Variants in CDH13 observed in about 807,000 individuals in gnomAD.
CDH13 encodes cadherin-13.
In CDH13, 24 loss-of-function variants were observed where a neutral mutation model predicts 63.8. The ratio of observed to expected loss-of-function variants is 0.38; its 90% CI spans 0.27 to 0.53. The LOEUF is 0.53. Among genes scored for constraint, CDH13 ranks in the 20% least tolerant of loss-of-function variants. The probability of loss-of-function intolerance (pLI) is 0.85; values close to 1 mark genes in which losing one functional copy is unlikely to be tolerated. For synonymous variants in CDH13, 503 were observed against 355.3 expected (o/e 1.42, Z -4.67); for missense variants, 1,049 against 903.1 (o/e 1.16, Z -2.07).
At chr16:83,620,407 A>AT (rs1301288118) in intron 8 of CDH13, among the ~76,000 whole-genome samples, 1 of 151,796 alleles carries the variant, frequency 6.6e-6, no homozygotes, top group Non-Finnish European at 1.5e-5. Flanking sequence ...AAAAAAAAAA[A>AT]AAAGATATAG....
chr16:83,653,022 C>T (rs1359021845), intron 8 of CDH13, among the ~76,000 whole-genome samples: 4 of 152,110 alleles, frequency 2.6e-5, no homozygotes, highest in African/African-American at 2.4e-5. Flanking sequence ...CGTGAAAACA[C>T]GATGTTCAGT....
chr16:83,033,598 C>T (rs373821131), intron 3 of CDH13, among the ~76,000 whole-genome samples: 130 of 152,278 alleles, frequency 8.5e-4, no homozygotes, highest in African/African-American at 3.0e-3. Flanking sequence ...TTCTCGTTTG[C>T]CAGGCAGCAG....
At chr16:83,069,425 G>C (rs1366311295) in intron 3 of CDH13, among the ~76,000 whole-genome samples, 4 of 152,110 alleles carry the variant, frequency 2.6e-5, no homozygotes, top group African/African-American at 7.2e-5. Context: ...CCTACTACGT[G>C]CCAGGCATTG....
At chr16:82,680,263 A>G (rs981630558) in intron 1 of CDH13, among the ~76,000 whole-genome samples, 1 of 152,226 alleles carries the variant, frequency 6.6e-6, no homozygotes, top group African/African-American at 2.4e-5. Flanking sequence ...TACTGAGCAC[A>G]TCCTACATGT....
chr16:83,429,971 C>A (rs1215591592), intron 6 of CDH13, among the ~76,000 whole-genome samples: 1 of 152,152 alleles, frequency 6.6e-6, no homozygotes, highest in Non-Finnish European at 1.5e-5. Flanking sequence ...CAGCCCCTGG[C>A]AACCACCATT....
At chr16:82,822,419 A>G (rs2038044930) in intron 1 of CDH13, among the ~76,000 whole-genome samples, 1 of 152,256 alleles carries the variant, frequency 6.6e-6, no homozygotes, top group African/African-American at 2.4e-5. Context: ...GGGGATGCAC[A>G]TTCACATACA....
intron 2 of CDH13, among the ~76,000 whole-genome samples, chr16:82,916,430 C>T (rs1444178443): frequency 4.6e-5 from 7 of 151,982 alleles, no homozygotes; most frequent in African/African-American, 7.2e-5. Context: ...AAAAATTAGC[C>T]GGGCATGGTG....
At position 82,713,814 on chromosome 16, in the gene CDH13, AAACAAAC is replaced by A. The variant is rs869060640; in HGVS notation, c.45+86680_45+86686del. Reference sequence around the variant, plus strand: ...AGGGCTTCTGTATTTGTGAAAAAAAAAACAAACAAAAAAAAAGGAAAACAATAGTTTC... The same window carrying A: ...AGGGCTTCTGTATTTGTGAAAAAAAAAAAAAAAAAGGAAAACAATAGTTTC... On this transcript the variant is annotated intron_variant, in intron 1 of 13. Coordinates refer to ENST00000567109, the MANE Select transcript of CDH13 (RefSeq NM_001257.5). Among the ~76,000 whole-genome samples the A allele has an allele frequency of 2.2e-4, 33 of 148,300 alleles. 1 individual carries two copies. In the East Asian group the frequency reaches 3.7e-3, roughly 17 times the overall value.
chr16:83,290,095 C>A (rs8054725), intron 5 of CDH13, among the ~76,000 whole-genome samples: 8,862 of 152,254 alleles, frequency 0.058, 280 homozygotes, highest in Non-Finnish European at 0.068. Context: ...TTTTCTGTCA[C>A]CTTCTTTCAG....
At chr16:83,098,337 G>C (rs2034305316) in intron 3 of CDH13, among the ~76,000 whole-genome samples, 1 of 152,104 alleles carries the variant, frequency 6.6e-6, no homozygotes, top group South Asian at 2.1e-4. Context: ...GTTGCTCATA[G>C]GTTGTAAACT....
intron 1 of CDH13, among the ~76,000 whole-genome samples, chr16:82,822,712 C>T (rs1381825421): frequency 2.0e-5 from 3 of 152,200 alleles, no homozygotes; most frequent in Admixed American, 2.0e-4. Context: ...CCAGGTTAGT[C>T]TTGAACTTCT....
At chr16:83,191,414 G>A (rs1241036036) in intron 4 of CDH13, among the ~76,000 whole-genome samples, 1 of 142,002 alleles carries the variant, frequency 7.0e-6, no homozygotes. Flanking sequence ...TTTATTTGAT[G>A]ATTGTATTAG....
chr16:83,465,217 C>G (rs983593662), intron 6 of CDH13, among the ~76,000 whole-genome samples: 1 of 152,190 alleles, frequency 6.6e-6, no homozygotes, highest in Non-Finnish European at 1.5e-5. Context: ...ATAACAGGAG[C>G]TGACAGCCTG....
chr16:83,017,234 A>C (rs187342738), intron 2 of CDH13, among the ~76,000 whole-genome samples: 2 of 152,248 alleles, frequency 1.3e-5, no homozygotes, highest in East Asian at 3.9e-4. Context: ...CTAAGCTTTG[A>C]CACACAGGGT....
chr16:83,784,402 T>A (rs1055100324), intron 13 of CDH13, among the ~76,000 whole-genome samples: 1 of 151,872 alleles, frequency 6.6e-6, no homozygotes, highest in Admixed American at 6.6e-5. Flanking sequence ...GAGGTCGAGG[T>A]GGGTGGATCA....
chr16:83,302,126 T>C (rs746606363), intron 5 of CDH13, among the ~76,000 whole-genome samples: 4 of 152,192 alleles, frequency 2.6e-5, no homozygotes, highest in Non-Finnish European at 5.9e-5. Flanking sequence ...AGAGAATGCT[T>C]AACAGAGTTC....
At chr16:83,194,839 A>G (rs1018853568) in intron 4 of CDH13, among the ~76,000 whole-genome samples, 1 of 152,184 alleles carries the variant, frequency 6.6e-6, no homozygotes, top group Non-Finnish European at 1.5e-5. Context: ...TACGGTCATC[A>G]TCATTTCAGG....
chr16:83,764,614 C>G (rs757402177), intron 11 of CDH13, among the ~76,000 whole-genome samples: 91 of 152,178 alleles, frequency 6.0e-4, no homozygotes, highest in African/African-American at 1.8e-3. Context: ...GCTCCCACCC[C>G]CTCAGCCTGC....
chr16:83,343,954 T>C (rs1012671808), intron 5 of CDH13, among the ~76,000 whole-genome samples: 1 of 152,236 alleles, frequency 6.6e-6, no homozygotes, highest in Non-Finnish European at 1.5e-5. Context: ...ATGAGTGTTT[T>C]TGTTAACCCC....
Sources: gnomAD v4.1 joint callset for allele counts (sites outside exome capture counted in the v4.1 genomes callset) on GRCh38, gnomAD v4.1.1 for gene constraint, MANE v1.5 for transcripts, NCBI Gene and HGNC (gene_info 2026-07-23, HGNC 2026-07-21) for gene names.